The following PTPRN2 variants were observed in gnomAD, a reference collection of about 807,000 sequenced individuals.
The protein encoded by PTPRN2 is protein tyrosine phosphatase receptor type N2, also known as receptor-type tyrosine-protein phosphatase N2.
A neutral mutation model predicts 118.8 loss-of-function variants in PTPRN2; 74 were observed. The ratio of observed to expected loss-of-function variants is 0.62; its 90% confidence interval spans 0.52 to 0.76. PTPRN2 has a LOEUF of 0.76. Among genes scored for constraint, PTPRN2 ranks in the 30% least tolerant of loss-of-function variants. The pLI is 0.00. For synonymous variants in PTPRN2, 641 were observed against 608.0 expected (o/e 1.05, Z -0.80); for missense variants, 1,481 against 1,394.4 (o/e 1.06, Z -0.99).
chr7:157,838,213 A>G (rs1808115046), intron 12 of PTPRN2, among the ~76,000 whole-genome samples: 2 of 145,748 alleles, frequency 1.4e-5, no homozygotes, highest in Admixed American at 6.8e-5. Flanking sequence ...GCTCCTCTCC[A>G]CTATGCCTAC....
intron 2 of PTPRN2, among the ~76,000 whole-genome samples, chr7:158,452,894 C>T (rs1179771074): frequency 1.3e-5 from 2 of 152,228 alleles, no homozygotes; most frequent in East Asian, 1.9e-4. Flanking sequence ...TCTGTTGCCC[C>T]GTGGCTCAGG....
At chr7:157,666,269 T>C (rs2150767774) in intron 13 of PTPRN2, among the ~76,000 whole-genome samples, 1 of 152,304 alleles carries the variant, frequency 6.6e-6, no homozygotes, top group South Asian at 2.1e-4. Context: ...TGAAGGTCCC[T>C]GCGTCTCAGT....
In PTPRN2 at chr7:157,619,752, C is replaced by T. The variant is rs1803037223; in HGVS notation, c.2344+1610G>A. Among the ~76,000 whole-genome samples the T allele has an allele frequency of 6.6e-6, 1 of 152,200 alleles. No individual in the cohort carries two copies. On this transcript the variant is annotated intron_variant, in intron 15 of 22. Coordinates refer to ENST00000389418, the MANE Select transcript of PTPRN2 (RefSeq NM_002847.5). This position sits in a 1 kb window ranked among gnomAD's most constrained non-coding sequence, Gnocchi z 5.3. ...TTTCTGAAGCAAAACAAGATTCCAG[C>T]TTCTCACTGTTCTGACCTGTAACAC...
chr7:157,839,962 G>A (rs935976452), intron 12 of PTPRN2, among the ~76,000 whole-genome samples: 8 of 151,496 alleles, frequency 5.3e-5, no homozygotes, highest in Non-Finnish European at 1.0e-4. Flanking sequence ...GTGTGGCCAC[G>A]TGTGACTGTG....
At chr7:158,532,241 G>A (rs748691431) in intron 1 of PTPRN2, among the ~76,000 whole-genome samples, 3 of 152,160 alleles carry the variant, frequency 2.0e-5, no homozygotes, top group Non-Finnish European at 1.5e-5. Context: ...CAGCTCGTCG[G>A]GCACGACCTT....
chr7:158,146,548 C>A (rs1446782440), intron 6 of PTPRN2, among the ~76,000 whole-genome samples: 1 of 151,780 alleles, frequency 6.6e-6, no homozygotes, highest in Non-Finnish European at 1.5e-5. Flanking sequence ...GGTGAAACCC[C>A]ATCTCTACTA....
chr7:158,479,887 G>T (rs1256814563), intron 2 of PTPRN2, among the ~76,000 whole-genome samples: 1 of 152,288 alleles, frequency 6.6e-6, no homozygotes, highest in East Asian at 1.9e-4. Context: ...GCTGCTGTGG[G>T]AGCGGGGGCT....
chr7:158,263,506 G>A (rs569684283), intron 3 of PTPRN2, among the ~76,000 whole-genome samples: 18 of 152,368 alleles, frequency 1.2e-4, no homozygotes, highest in Non-Finnish European at 4.4e-5. Context: ...CATGCTGCCT[G>A]GGTTTGGGGC....
intron 3 of PTPRN2, among the ~76,000 whole-genome samples, chr7:158,270,768 CCGTCCA>C (rs1563067001): frequency 2.8e-5 from 4 of 141,384 alleles, no homozygotes; most frequent in East Asian, 4.1e-4. Context: ...CTGGACCACC[CCGTCCA>C]CCTGGACCAC....
rs1807010157 is a variant in PTPRN2, at chr7:158,022,988, C to A, written c.1723+58310G>T. On this transcript the variant is annotated intron_variant, in intron 11 of 22. Coordinates refer to ENST00000389418, the MANE Select transcript of PTPRN2 (RefSeq NM_002847.5). This position sits in a 1 kb window ranked among gnomAD's most constrained non-coding sequence, Gnocchi z 4.6. ...TGAACTCTGTGCACTCCTGTTTAGT[C>A]CTCAATGGGAAATGGGAAAGGGCTT... Among the ~76,000 whole-genome samples the A allele has an allele frequency of 6.6e-6, 1 of 152,168 alleles. No individual in the cohort carries two copies. The highest frequency in any genetic ancestry group is 2.1e-4 in the South Asian group (1 of 4,816).
At chr7:158,292,647 C>G (rs573112828) in intron 3 of PTPRN2, among the ~76,000 whole-genome samples, 1 of 152,332 alleles carries the variant, frequency 6.6e-6, no homozygotes, top group African/African-American at 2.4e-5. Context: ...ATGGTAAAGC[C>G]CATTGTGCCT....
At chr7:157,911,239 G>A (rs148947707) in intron 11 of PTPRN2, among the ~76,000 whole-genome samples, 288 of 152,338 alleles carry the variant, frequency 1.9e-3, no homozygotes, top group African/African-American at 6.1e-3. Context: ...AGAAACGTCT[G>A]CATGGTGACT....
chr7:158,040,474 T>A (rs35097524), intron 11 of PTPRN2, among the ~76,000 whole-genome samples: 71,638 of 151,924 alleles, frequency 0.47, 17,464 homozygotes, highest in Non-Finnish European at 0.52. Flanking sequence ...AAGACAGGAA[T>A]TTTTGGACAA....
chr7:158,183,432 C>A (rs187775423), intron 5 of PTPRN2, among the ~76,000 whole-genome samples: 6 of 152,136 alleles, frequency 3.9e-5, no homozygotes, highest in African/African-American at 9.7e-5. Context: ...CCCACTCCCC[C>A]CTGGGTTATG....
chr7:157,662,402 T>C (rs1795931957), intron 13 of PTPRN2, among the ~76,000 whole-genome samples: 1 of 152,150 alleles, frequency 6.6e-6, no homozygotes, highest in Non-Finnish European at 1.5e-5. Flanking sequence ...TGGGTCAGAC[T>C]CGCCGGGCCC....
chr7:157,610,078 G>A lies in PTPRN2; in HGVS notation c.2345-6003C>T, dbSNP rs1281212625. On this transcript the variant is annotated intron_variant, in intron 15 of 22. Transcript: ENST00000389418. The surrounding 1 kb of genome is among the most constrained non-coding windows in gnomAD (Gnocchi z 5.1). ...GATCCCTGAGGACGGCATTCCCCCA[G>A]GCCTCCTGGCTTGCTGTCCACACTC... Among the ~76,000 whole-genome samples, 1 of 152,214 alleles carries A rather than the reference G, an allele frequency of 6.6e-6. No homozygotes were observed. The highest frequency in any genetic ancestry group is 1.5e-5 in the Non-Finnish European group (1 of 68,042).
chr7:158,516,356 C>G (rs1823560885), intron 1 of PTPRN2, among the ~76,000 whole-genome samples: 2 of 152,164 alleles, frequency 1.3e-5, no homozygotes, highest in Non-Finnish European at 2.9e-5. Flanking sequence ...AATGAAAATC[C>G]TCCAATAACA....
intron 21 of PTPRN2, among the ~76,000 whole-genome samples, chr7:157,563,290 ACAG>A (rs1023459776): frequency 1.6e-5 from 2 of 123,828 alleles, no homozygotes; most frequent in African/African-American, 3.1e-5. Context: ...GTCACCACAC[ACAG>A]CAGATCAGGA....
chr7:158,090,111 C>A lies in PTPRN2; in HGVS notation c.1644-8734G>T, dbSNP rs13225553. The stretch of plus-strand genomic sequence containing the variant: ...GGGTCTTCACACACATCCTTCTTCC[C>A]CTGACAAAAGAGGGAGTCTTCACAC... On this transcript the variant is annotated intron_variant, in intron 10 of 22. Transcript: ENST00000389418. Among the ~76,000 whole-genome samples the A allele has an allele frequency of 4.0e-4, 6 of 15,148 alleles. 1 individual carries two copies. Among genetic ancestry groups the A allele is most frequent in the Admixed American group, 2.3e-3 (2 of 874 alleles). The allele number at this position is 15,148 out of a possible 152,430, so 9.9% of individuals were successfully genotyped here. A position where few individuals can be genotyped will look rare whatever the true frequency, so the allele number is the denominator to read the frequency against.
Sources: allele counts gnomAD v4.1 joint callset (sites outside exome capture counted in the v4.1 genomes callset), GRCh38; gene constraint gnomAD v4.1.1; non-coding constraint Gnocchi (gnomAD v3.1); transcripts MANE v1.5; gene names NCBI Gene and HGNC (gene_info 2026-07-23, HGNC 2026-07-21).